The following COL5A2 variants were observed in gnomAD, a reference collection of about 807,000 sequenced individuals.
COL5A2 encodes collagen type V alpha 2 chain, also known as collagen alpha-2(V) chain.
A neutral mutation model predicts 208.2 loss-of-function variants in COL5A2; 23 were observed. That is an observed-to-expected ratio of 0.11 (90% CI 0.08 to 0.16). The LOEUF is 0.16. Ranked by LOEUF, COL5A2 falls within the 10% of genes least tolerant of loss-of-function variation. The probability of loss-of-function intolerance (pLI) is 1.00; values close to 1 mark genes in which losing one functional copy is unlikely to be tolerated. For synonymous variants in COL5A2, 625 were observed against 628.5 expected, an observed-to-expected ratio of 0.99 and a Z score of 0.08; for missense variants, 1,590 against 1,956.4, an observed-to-expected ratio of 0.81 and a Z score of 3.53.
chr2:189,097,466 T>C, intron 5 of COL5A2, 136 bp from the exon 6 acceptor site: 1 of 892,672 alleles, frequency 1.1e-6, no homozygotes. Context: ...CTATAGAGAA[T>C]AAAGCCATGT....
chr2:189,197,004 T>A (rs980012605), intron 1 of COL5A2, among the ~76,000 whole-genome samples: 1 of 152,084 alleles, frequency 6.6e-6, no homozygotes, highest in Non-Finnish European at 1.5e-5. Flanking sequence ...ACACGTATAT[T>A]TTTTTTGCAG....
the COL5A2 span, among the ~76,000 whole-genome samples, chr2:189,242,814 C>T: frequency 8.5e-5 from 13 of 152,212 alleles, no homozygotes; most frequent in Admixed American, 5.9e-4. Flanking sequence ...TGAAAAGGAA[C>T]CTGTCAGATG....
the COL5A2 span, among the ~76,000 whole-genome samples, chr2:189,319,664 C>A: frequency 6.6e-6 from 1 of 152,244 alleles, no homozygotes; most frequent in Non-Finnish European, 1.5e-5. Context: ...ACAAAGCGAC[C>A]AGGAAGCTTG....
At chr2:189,090,949 C>T (rs927129435) in intron 7 of COL5A2, among the ~76,000 whole-genome samples, 1 of 152,126 alleles carries the variant, frequency 6.6e-6, no homozygotes, top group African/African-American at 2.4e-5. Flanking sequence ...ATACAAAAAC[C>T]ATTTTGCAGC....
intron 16 of COL5A2, among the ~76,000 whole-genome samples, chr2:189,075,984 T>A (rs1267036563): frequency 2.0e-5 from 3 of 152,152 alleles, no homozygotes; most frequent in Non-Finnish European, 4.4e-5. Context: ...AAGACTGTGC[T>A]CTTTCCTTGG....
At chr2:189,366,656 A>G in the COL5A2 span, among the ~76,000 whole-genome samples, 4,058 of 152,312 alleles carry the variant, frequency 0.027, 72 homozygotes, top group Admixed American at 0.044. Context: ...TGTATTCAGT[A>G]AAAGTCAAAC....
intron 1 of COL5A2, among the ~76,000 whole-genome samples, chr2:189,111,564 C>A (rs1687261872): frequency 7.6e-6 from 1 of 131,908 alleles, no homozygotes; most frequent in South Asian, 2.6e-4. Context: ...CCGCGAAATT[C>A]TTTTCTGACT....
At chr2:189,087,401 T>C (rs556438470) in intron 8 of COL5A2, among the ~76,000 whole-genome samples, 2 of 152,030 alleles carry the variant, frequency 1.3e-5, no homozygotes, top group South Asian at 2.1e-4. Flanking sequence ...TATTATTATA[T>C]GTATATTACT....
the COL5A2 span, among the ~76,000 whole-genome samples, chr2:189,352,496 G>C: frequency 6.6e-6 from 1 of 152,144 alleles, no homozygotes; most frequent in Non-Finnish European, 1.5e-5. Flanking sequence ...CATTCTAACT[G>C]GTGTGAGATG....
At chr2:189,246,651 G>C in the COL5A2 span, among the ~76,000 whole-genome samples, 1 of 152,208 alleles carries the variant, frequency 6.6e-6, no homozygotes, top group Non-Finnish European at 1.5e-5. Flanking sequence ...TTGGGTTTTA[G>C]TTATATACAG....
chr2:189,246,392 C>A, the COL5A2 span, among the ~76,000 whole-genome samples: 3 of 152,030 alleles, frequency 2.0e-5, no homozygotes, highest in Non-Finnish European at 4.4e-5. Context: ...CATTATACTT[C>A]TGGAGAATGC....
At chr2:189,081,958 T>C (rs971971754) in intron 12 of COL5A2, among the ~76,000 whole-genome samples, 1 of 152,200 alleles carries the variant, frequency 6.6e-6, no homozygotes, top group Admixed American at 6.5e-5. Context: ...CGCCAGTATA[T>C]TGAGCACCTT....
the COL5A2 span, among the ~76,000 whole-genome samples, chr2:189,318,559 A>T: frequency 6.6e-6 from 1 of 152,246 alleles, no homozygotes; most frequent in South Asian, 2.1e-4. Flanking sequence ...CCACAGCATG[A>T]TTTTTTCTAA....
At chr2:189,159,351 C>A (rs1218127654) in intron 1 of COL5A2, among the ~76,000 whole-genome samples, 1 of 152,136 alleles carries the variant, frequency 6.6e-6, no homozygotes, top group Non-Finnish European at 1.5e-5. Flanking sequence ...ATTCTTCTTT[C>A]TACTTGTAAT....
chr2:189,381,601 A>T, the COL5A2 span, among the ~76,000 whole-genome samples: 1 of 152,130 alleles, frequency 6.6e-6, no homozygotes. Flanking sequence ...ATTCTACAAC[A>T]TTCTACTTAA....
At chr2:189,142,305 T>C (rs1347806946) in intron 1 of COL5A2, among the ~76,000 whole-genome samples, 2 of 152,100 alleles carry the variant, frequency 1.3e-5, no homozygotes, top group Non-Finnish European at 2.9e-5. Flanking sequence ...TTAACATTTA[T>C]GATATATGTA....
chr2:189,047,534 A>G (rs1407072086), intron 45 of COL5A2, among the ~76,000 whole-genome samples: 1 of 152,252 alleles, frequency 6.6e-6, no homozygotes, highest in Admixed American at 6.5e-5. Flanking sequence ...ATGGAGGTTC[A>G]GAAAATCTGC....
the COL5A2 span, among the ~76,000 whole-genome samples, chr2:189,267,257 T>C: frequency 1.3e-5 from 2 of 152,146 alleles, no homozygotes; most frequent in East Asian, 1.9e-4. Flanking sequence ...AGATGAAGTA[T>C]ACAGATAATC....
chr2:189,175,219 G>C (rs954467623), intron 1 of COL5A2, among the ~76,000 whole-genome samples: 4 of 152,102 alleles, frequency 2.6e-5, no homozygotes, highest in African/African-American at 9.7e-5. Flanking sequence ...TTGAAGTTTT[G>C]TGTGACCATA....
Sources: gnomAD v4.1 joint callset for allele counts (sites outside exome capture counted in the v4.1 genomes callset) on GRCh38, gnomAD v4.1.1 for gene constraint, MANE v1.5 for transcripts, NCBI Gene and HGNC (gene_info 2026-07-23, HGNC 2026-07-21) for gene names.